Variants in PCAT7 observed in about 807,000 individuals in gnomAD.
PCAT7 encodes the protein prostate cancer associated transcript 7 (non-protein coding).
At chr9:94,573,082 T>C (rs1314244704) in intron 3 of PCAT7, 1 of 152,210 alleles carries the variant, frequency 6.6e-6, no homozygotes, top group Non-Finnish European at 1.5e-5. Flanking sequence ...TGCCTTATTG[T>C]GCTGGCTACA....
intron 2 of PCAT7, among the ~76,000 whole-genome samples, chr9:94,560,691 C>A (rs1003898571): frequency 2.7e-5 from 4 of 146,962 alleles, no homozygotes; most frequent in South Asian, 2.1e-4. Context: ...TTCTATTTTT[C>A]TATTATATAT....
At chr9:94,564,710 TAC>T (rs1827161002) in intron 2 of PCAT7, among the ~76,000 whole-genome samples, 1 of 152,020 alleles carries the variant, frequency 6.6e-6, no homozygotes, top group Non-Finnish European at 1.5e-5. Flanking sequence ...AAGTATTGGA[TAC>T]CAGGTTTAGT....
At chr9:94,567,261 T>C in intron 2 of PCAT7, 1 of 1,614,054 alleles carries the variant, frequency 6.2e-7, no homozygotes, top group Non-Finnish European at 8.5e-7. Flanking sequence ...CCTGGCTTTC[T>C]TCACTCACCT....
At chr9:94,559,919 G>C (rs1352493083) in intron 2 of PCAT7, among the ~76,000 whole-genome samples, 2 of 152,118 alleles carry the variant, frequency 1.3e-5, no homozygotes, top group East Asian at 1.9e-4. Context: ...CTTGAGTCCA[G>C]GCATTTGAGA....
chr9:94,557,480 A>G (rs566621617), intron 1 of PCAT7, among the ~76,000 whole-genome samples: 1 of 152,308 alleles, frequency 6.6e-6, no homozygotes, highest in African/African-American at 2.4e-5. Context: ...TGGTTGTGTA[A>G]TAAGATTTTG....
rs1174386595 is a variant in PCAT7, at chr9:94,561,352, A to ATTTTTTTTTTTTTTT, written n.441+2214_441+2228dup. Among the ~76,000 whole-genome samples the ATTTTTTTTTTTTTTT allele has an allele frequency of 7.3e-5, 4 of 54,990 alleles. 1 individual carries two copies. The highest frequency in any genetic ancestry group is 9.2e-5 in the Non-Finnish European group (3 of 32,754). The allele number at this position is 54,990 out of a possible 152,430, so 36.1% of individuals were successfully genotyped here. Reference sequence around the variant, plus strand: ...GCAGGCCATGTGACATGTGACCTGTATTTTTTTTTTTTTTTTTTTTTTTTT... The same window carrying ATTTTTTTTTTTTTTT: ...GCAGGCCATGTGACATGTGACCTGTATTTTTTTTTTTTTTTTTTTTTTTTTTTTTTTTTTTTTTTT... On this transcript the variant is annotated intron_variant and non_coding_transcript_variant, in intron 2 of 8. Coordinates refer to ENST00000647389, the Ensembl canonical transcript of PCAT7.
chr9:94,562,702 T>G (rs967869884), intron 2 of PCAT7, among the ~76,000 whole-genome samples: 3 of 152,190 alleles, frequency 2.0e-5, no homozygotes, highest in Non-Finnish European at 4.4e-5. Context: ...CAGATGCATT[T>G]TTATGGGAGG....
At chr9:94,558,887 C>T (rs998092688) in intron 1 of PCAT7, 2 of 1,543,570 alleles carry the variant, frequency 1.3e-6, no homozygotes, top group Non-Finnish European at 1.8e-6. Flanking sequence ...CATTTAGGGT[C>T]CTTAGACAAG....
chr9:94,558,766 A>G, intron 1 of PCAT7: 1 of 623,438 alleles, frequency 1.6e-6, no homozygotes, highest in Non-Finnish European at 2.8e-6. Context: ...TTGACCATAG[A>G]ATCGCCTGTG....
chr9:94,571,509 C>A, intron 2 of PCAT7: 2 of 1,613,950 alleles, frequency 1.2e-6, no homozygotes, highest in Non-Finnish European at 1.7e-6. Context: ...GAGAGAGCCA[C>A]CAGGGTTGCA....
chr9:94,563,309 C>T (rs755602457), intron 2 of PCAT7: 16 of 1,609,134 alleles, frequency 9.9e-6, no homozygotes, highest in South Asian at 4.4e-5. Flanking sequence ...CCTCCCTGAC[C>T]GGATGCACAG....
At chr9:94,555,750 G>T (rs1163004965) in intron 1 of PCAT7, among the ~76,000 whole-genome samples, 3 of 151,618 alleles carry the variant, frequency 2.0e-5, no homozygotes, top group African/African-American at 7.3e-5. Flanking sequence ...TGGCAGAAAA[G>T]AAAGATGGTG....
intron 2 of PCAT7, chr9:94,569,054 G>A (rs529246242): frequency 1.3e-5 from 2 of 152,374 alleles, no homozygotes; most frequent in South Asian, 2.1e-4. Context: ...TTAACTTGCT[G>A]TGGGTGTCTG....
intron 2 of PCAT7, among the ~76,000 whole-genome samples, chr9:94,561,100 C>T (rs73525308): frequency 0.042 from 6,426 of 152,178 alleles, 446 homozygotes; most frequent in African/African-American, 0.15. Context: ...GCTTATAGCG[C>T]TCAGCATTTT....
At chr9:94,562,263 T>C (rs1266810819) in intron 2 of PCAT7, among the ~76,000 whole-genome samples, 1 of 135,250 alleles carries the variant, frequency 7.4e-6, no homozygotes, top group African/African-American at 2.8e-5. Context: ...TGAGCCTAGA[T>C]GGTGCCACTG....
chr9:94,565,365 C>A (rs1344887280), intron 2 of PCAT7, among the ~76,000 whole-genome samples: 1 of 42,558 alleles, frequency 2.3e-5, no homozygotes. Flanking sequence ...CAAGACTCCA[C>A]CTCAAAAAAA....
rs145788401 is a variant in PCAT7 at position 94,563,823 on chromosome 9, A to T, written n.441+4671A>T. Among the ~76,000 whole-genome samples the T allele has an allele frequency of 1.5e-4, 23 of 152,362 alleles. No homozygotes were observed. The East Asian group carries it at 4.4e-3, about 29-fold the overall frequency. On this transcript the variant is annotated intron_variant and non_coding_transcript_variant, in intron 2 of 8. Coordinates refer to ENST00000647389, the Ensembl canonical transcript of PCAT7. Reference sequence around the variant, plus strand: ...AAGCCAAACATATAGAAAGCAGAAAAAAGCAGGGGCTGCAATCCTAATTTC... The same window carrying T: ...AAGCCAAACATATAGAAAGCAGAAATAAGCAGGGGCTGCAATCCTAATTTC...
At chr9:94,570,741 C>T (rs532707689) in intron 2 of PCAT7, 2 of 152,108 alleles carry the variant, frequency 1.3e-5, no homozygotes, top group African/African-American at 4.8e-5. Flanking sequence ...GGTTTCCATA[C>T]TGTAAACTCT....
intron 2 of PCAT7, chr9:94,572,870 A>C (rs1014019232): frequency 4.6e-5 from 7 of 152,364 alleles, no homozygotes; most frequent in Middle Eastern, 6.8e-3. Context: ...ATTACGAATT[A>C]GTTTATTGCT....
Sources: gnomAD v4.1 joint callset for allele counts (sites outside exome capture counted in the v4.1 genomes callset) on GRCh38, gnomAD v4.1.1 for gene constraint, MANE v1.5 for transcripts, NCBI Gene and HGNC (gene_info 2026-07-23, HGNC 2026-07-21) for gene names.